The following WNT7A variants were observed in gnomAD, a reference collection of about 807,000 sequenced individuals.
WNT7A encodes Wnt family member 7A.
Under a neutral mutation model 28.2 loss-of-function variants are expected in WNT7A, and 16 were observed. That is an observed-to-expected ratio of 0.57 (90% CI 0.38 to 0.86). WNT7A has a LOEUF of 0.86. WNT7A is among the 40% of genes least tolerant of loss of function. WNT7A has a pLI of 0.00. For synonymous variants in WNT7A, 190 were observed against 195.9 expected, an observed-to-expected ratio of 0.97 and a Z score of 0.25; for missense variants, 411 against 489.7, an observed-to-expected ratio of 0.84 and a Z score of 1.52.
chr3:13,847,979 T>C (rs2124851620), intron 3 of WNT7A, among the ~76,000 whole-genome samples: 1 of 152,340 alleles, frequency 6.6e-6, no homozygotes, highest in South Asian at 2.1e-4. Flanking sequence ...ATGCCAAGTA[T>C]ATTTTATCAC....
At chr3:13,833,776 C>T (rs1663867621) in intron 3 of WNT7A, among the ~76,000 whole-genome samples, 1 of 152,376 alleles carries the variant, frequency 6.6e-6, no homozygotes, top group Non-Finnish European at 1.5e-5. Context: ...CATGGAGCCA[C>T]TGAACCTATG....
intron 3 of WNT7A, among the ~76,000 whole-genome samples, chr3:13,826,062 C>T (rs765806999): frequency 9.2e-5 from 14 of 152,206 alleles, no homozygotes; most frequent in Non-Finnish European, 1.8e-4. Context: ...TGTCTGTCCA[C>T]GTAGGCTTTC....
At chr3:13,834,450 G>A (rs889162362) in intron 3 of WNT7A, among the ~76,000 whole-genome samples, 7 of 152,080 alleles carry the variant, frequency 4.6e-5, no homozygotes, top group African/African-American at 1.2e-4. Flanking sequence ...GGTGCGTGCT[G>A]GGAGTCGGGT....
At chr3:13,869,183 GAAGGAAGC>G (rs1413282345) in intron 2 of WNT7A, among the ~76,000 whole-genome samples, 1 of 133,786 alleles carries the variant, frequency 7.5e-6, no homozygotes, top group Non-Finnish European at 1.6e-5. Flanking sequence ...AGAATGGAAG[GAAGGAAGC>G]AAGGAAGGAA....
intron 3 of WNT7A, among the ~76,000 whole-genome samples, chr3:13,838,700 A>G (rs976648458): frequency 1.3e-5 from 2 of 152,210 alleles, no homozygotes; most frequent in Non-Finnish European, 2.9e-5. Context: ...CAACTGGCTT[A>G]GGGACCCAGA....
chr3:13,818,748 T>G lies in WNT7A; in HGVS notation c.*196A>C. ...GTGTCTGGGGGAGGGTGGAGCAGCA[T>G]TGGGTGTGGAACAGAATAGTTGAGG... is the stretch of plus-strand genomic sequence containing the variant. On this transcript the variant is annotated 3_prime_UTR_variant, in exon 4 of 4. Transcript: ENST00000285018. 5 of 782,408 alleles carry G rather than the reference T, an allele frequency of 6.4e-6. No individual in the cohort carries two copies. Among genetic ancestry groups the G allele is most frequent in the East Asian group, 3.0e-5 (1 of 33,814 alleles). The allele number at this position is 782,408 out of a possible 1,614,324, so 48.5% of individuals were successfully genotyped here.
At chr3:13,875,259 C>G in intron 1 of WNT7A, 86 bp from the exon 2 acceptor site, 1 of 1,396,620 alleles carries the variant, frequency 7.2e-7, no homozygotes, top group Admixed American at 1.8e-5. Flanking sequence ...CAGCACTGGC[C>G]ACCCCACTGC....
chr3:13,846,111 C>G (rs1475801040), intron 3 of WNT7A, among the ~76,000 whole-genome samples: 1 of 152,224 alleles, frequency 6.6e-6, no homozygotes. Flanking sequence ...CTCTCCCAGG[C>G]AGAAGGTGGT....
At position 13,872,485 on chromosome 3, in the gene WNT7A, T is replaced by C. The variant is rs538416801; in HGVS notation, c.298+2462A>G. Among the ~76,000 whole-genome samples the C allele has an allele frequency of 5.9e-5, 9 of 152,304 alleles. No homozygotes were observed. In the East Asian group the frequency reaches 1.5e-3, roughly 26 times the overall value. ...CACTCAGAAATTCAAACTTGTTAAA[T>C]TGACCCTGTATACCTCCTGGCTCCA... On this transcript the variant is annotated intron_variant, in intron 2 of 3. Coordinates refer to ENST00000285018, the MANE Select transcript of WNT7A (RefSeq NM_004625.4).
chr3:13,868,911 G>A (rs1234512249), intron 2 of WNT7A, among the ~76,000 whole-genome samples: 5 of 142,948 alleles, frequency 3.5e-5, no homozygotes, highest in Non-Finnish European at 7.6e-5. Flanking sequence ...AGGAAGGAAA[G>A]AAGGAAGGAA....
chr3:13,878,712 A>G (rs1190100307), intron 1 of WNT7A, among the ~76,000 whole-genome samples: 1 of 152,106 alleles, frequency 6.6e-6, no homozygotes, highest in Non-Finnish European at 1.5e-5. Flanking sequence ...ACCCCTCCTC[A>G]AAAGGGATGG....
Position 13,854,800 on chromosome 3 carries a change from C to T in WNT7A, c.302G>A (p.Ser101Asn), listed in dbSNP as rs780459175. 2 of 1,612,400 alleles carry T rather than the reference C, an allele frequency of 1.2e-6. No homozygotes were observed. The highest frequency in any genetic ancestry group is 4.5e-5 in the East Asian group (2 of 44,874). The change falls in exon 3 of 4, where the codon AGC becomes AAC. Residue 101 changes from serine (S) to asparagine (N), a missense_variant. Ser to Asn is a conservative substitution (Grantham distance 46, BLOSUM62 1). Transcript: ENST00000285018. ...TVFGKELKVG[S>N]REAAFTYAII... Reference sequence around the variant, plus strand: ...GGCGTAGGTGAACGCAGCCTCCCGGCTCCCTGCGAGGAGGAGAGAAGAGGA... The same window carrying T: ...GGCGTAGGTGAACGCAGCCTCCCGGTTCCCTGCGAGGAGGAGAGAAGAGGA...
intron 2 of WNT7A, among the ~76,000 whole-genome samples, chr3:13,856,494 T>C (rs1694731677): frequency 6.6e-6 from 1 of 152,200 alleles, no homozygotes; most frequent in South Asian, 2.1e-4. Context: ...CGCAACTCTC[T>C]GCATTAGTCA....
At chr3:13,869,443 GAA>G (rs1559307657) in intron 2 of WNT7A, among the ~76,000 whole-genome samples, 1 of 131,952 alleles carries the variant, frequency 7.6e-6, no homozygotes, top group African/African-American at 2.8e-5. Context: ...AGAAAGAAAA[GAA>G]AAAGAAAGAA....
In WNT7A at chr3:13,864,648, T is replaced by C. The variant is rs992530762; in HGVS notation, c.299-9845A>G. Among the ~76,000 whole-genome samples the C allele has an allele frequency of 2.0e-5, 3 of 152,220 alleles. No individual in the cohort carries two copies. In the East Asian group the frequency reaches 5.8e-4, roughly 29 times the overall value. On this transcript the variant is annotated intron_variant, in intron 2 of 3. Coordinates refer to ENST00000285018, the MANE Select transcript of WNT7A (RefSeq NM_004625.4). Reference sequence around the variant, plus strand: ...TTTACTGCAGAGATTCTAGTAAATATCTGTGGGATGAGGACGTGAATAAAT... The same window carrying C: ...TTTACTGCAGAGATTCTAGTAAATACCTGTGGGATGAGGACGTGAATAAAT...
intron 2 of WNT7A, among the ~76,000 whole-genome samples, chr3:13,873,927 T>C (rs1695063624): frequency 6.6e-6 from 1 of 152,140 alleles, no homozygotes; most frequent in Non-Finnish European, 1.5e-5. Flanking sequence ...AGTGGGGATT[T>C]CATTCTGATG....
intron 1 of WNT7A, among the ~76,000 whole-genome samples, chr3:13,876,533 C>T (rs565488502): frequency 6.6e-6 from 1 of 152,288 alleles, no homozygotes; most frequent in African/African-American, 2.4e-5. Context: ...GGTAGAGCCA[C>T]TGGACAAGTG....
intron 2 of WNT7A, among the ~76,000 whole-genome samples, chr3:13,870,298 C>T (rs1695010632): frequency 6.6e-6 from 1 of 152,030 alleles, no homozygotes; most frequent in South Asian, 2.1e-4. Context: ...AAAAGGAGAC[C>T]AGGACACAAG....
chr3:13,861,361 G>A (rs1007754104), intron 2 of WNT7A, among the ~76,000 whole-genome samples: 6 of 152,208 alleles, frequency 3.9e-5, no homozygotes, highest in African/African-American at 7.2e-5. Flanking sequence ...TGACCAAGCC[G>A]TCTGTTCCTT....
Sources: allele counts gnomAD v4.1 joint callset (sites outside exome capture counted in the v4.1 genomes callset), GRCh38; gene constraint gnomAD v4.1.1; transcripts MANE v1.5; gene names NCBI Gene and HGNC (gene_info 2026-07-23, HGNC 2026-07-21).